IGF2BP2: variants seen among roughly 807,000 people sequenced by gnomAD.
IGF2BP2 encodes insulin-like growth factor 2 mRNA-binding protein 2.
Under a neutral mutation model 75.8 loss-of-function variants are expected in IGF2BP2, and 17 were observed. That is an observed-to-expected ratio of 0.22 (90% confidence interval 0.15 to 0.34). The LOEUF is 0.34. Ranked by LOEUF, IGF2BP2 falls within the 10% of genes least tolerant of loss-of-function variation. IGF2BP2 has a pLI of 1.00. For synonymous variants in IGF2BP2, 288 were observed against 295.6 expected, an observed-to-expected ratio of 0.97 and a Z score of 0.26; for missense variants, 516 against 772.4, an observed-to-expected ratio of 0.67 and a Z score of 3.93.
rs187265491 is a variant in IGF2BP2, at chr3:185,699,108, C to A, written c.240-761G>T. Among the ~76,000 whole-genome samples, 239 of 152,266 alleles carry A rather than the reference C, an allele frequency of 1.6e-3. 1 individual carries two copies. The highest frequency in any genetic ancestry group is 5.7e-3 in the African/African-American group (237 of 41,542). ...GGGATTACAGGCGTGAGCCACCACA[C>A]TGGCCTCATGAGCATGTTTTAAGGT... On this transcript the variant is annotated intron_variant, in intron 2 of 15. Coordinates refer to ENST00000382199, the MANE Select transcript of IGF2BP2 (RefSeq NM_006548.6).
chr3:185,773,152 G>C (rs757907344), intron 2 of IGF2BP2, among the ~76,000 whole-genome samples: 2 of 152,184 alleles, frequency 1.3e-5, no homozygotes, highest in Middle Eastern at 3.2e-3. Flanking sequence ...CTAAGGACCA[G>C]GTAAGCAGAC....
At chr3:185,751,703 A>G (rs12636310) in intron 2 of IGF2BP2, among the ~76,000 whole-genome samples, 45,594 of 149,232 alleles carry the variant, frequency 0.31, 7,886 homozygotes, top group African/African-American at 0.49. Flanking sequence ...AGTGGTTCAC[A>G]CCTGTAATCC....
chr3:185,665,982 A>G (rs1474215035), intron 10 of IGF2BP2, among the ~76,000 whole-genome samples: 10 of 148,680 alleles, frequency 6.7e-5, no homozygotes, highest in Non-Finnish European at 1.5e-4. Context: ...AGACAGATAG[A>G]TAGATAGGTA....
chr3:185,666,694 A>G (rs1669403384), intron 10 of IGF2BP2, among the ~76,000 whole-genome samples: 1 of 152,158 alleles, frequency 6.6e-6, no homozygotes, highest in African/African-American at 2.4e-5. Context: ...ACAAGTTTGG[A>G]TATTTAAAAG....
intron 2 of IGF2BP2, among the ~76,000 whole-genome samples, chr3:185,786,929 T>C (rs1389115840): frequency 6.6e-6 from 1 of 152,244 alleles, no homozygotes; most frequent in African/African-American, 2.4e-5. Context: ...TCTTTATTTT[T>C]TGTTTTGTTT....
chr3:185,734,061 C>A (rs1455269870), intron 2 of IGF2BP2, among the ~76,000 whole-genome samples: 1 of 152,086 alleles, frequency 6.6e-6, no homozygotes, highest in Non-Finnish European at 1.5e-5. Context: ...AACCCTTAAC[C>A]CCCTTACTTC....
intron 10 of IGF2BP2, among the ~76,000 whole-genome samples, chr3:185,666,148 T>G (rs1186159669): frequency 6.6e-6 from 1 of 152,118 alleles, no homozygotes; most frequent in Non-Finnish European, 1.5e-5. Context: ...GGCTTAGAAA[T>G]TATACTCGTG....
chr3:185,727,717 G>T (rs937175693), intron 2 of IGF2BP2, among the ~76,000 whole-genome samples: 6 of 152,244 alleles, frequency 3.9e-5, no homozygotes, highest in African/African-American at 1.2e-4. Context: ...TGGAGTGGAG[G>T]ATAAACAAAG....
At chr3:185,782,541 TA>T (rs1320829589) in intron 2 of IGF2BP2, among the ~76,000 whole-genome samples, 6 of 152,146 alleles carry the variant, frequency 3.9e-5, no homozygotes, top group Admixed American at 2.6e-4. Flanking sequence ...AAAGTTATAT[TA>T]CCATCCACTA....
In IGF2BP2 at chr3:185,647,632, G is replaced by A. The variant is rs147770684; in HGVS notation, c.1594-494C>T. ...CCTGCCGCCAAGACTTGCTCATGCT[G>A]TTCCTACCCTTGGATTGTTGTCCTC... On this transcript the variant is annotated intron_variant, in intron 14 of 15. Transcript: ENST00000382199. The surrounding 1 kb of genome is among the most constrained non-coding windows in gnomAD (Gnocchi z 4.9). Among the ~76,000 whole-genome samples the A allele has an allele frequency of 1.2e-3, 185 of 152,262 alleles. No individual in the cohort carries two copies. The highest frequency in any genetic ancestry group is 4.1e-3 in the African/African-American group (172 of 41,554).
chr3:185,701,291 A>G (rs756563642), intron 2 of IGF2BP2, among the ~76,000 whole-genome samples: 1 of 151,628 alleles, frequency 6.6e-6, no homozygotes, highest in Non-Finnish European at 1.5e-5. Flanking sequence ...TTAAAAAACG[A>G]ACAATGAAAA....
At chr3:185,812,717 C>T (rs751399571) in intron 2 of IGF2BP2, among the ~76,000 whole-genome samples, 6 of 152,194 alleles carry the variant, frequency 3.9e-5, no homozygotes, top group Non-Finnish European at 7.3e-5. Context: ...AAAACAGCAA[C>T]AAATGCAGTT....
intron 2 of IGF2BP2, among the ~76,000 whole-genome samples, chr3:185,719,623 C>T (rs1726191594): frequency 6.6e-6 from 1 of 152,162 alleles, no homozygotes; most frequent in African/African-American, 2.4e-5. Flanking sequence ...CACCTGAGGT[C>T]AGGAGTTCCA....
At position 185,691,815 on chromosome 3, in the gene IGF2BP2, G is replaced by A. The variant is rs142530854; in HGVS notation, c.404+884C>T. ...AGTGGTGCAATCACAGCTTACTGCA[G>A]CCTTACCATCCTGGGCTCAAGTGAT... is the stretch of plus-strand genomic sequence containing the variant. On this transcript the variant is annotated intron_variant, in intron 5 of 15. Transcript: ENST00000382199. Among the ~76,000 whole-genome samples the A allele has an allele frequency of 4.3e-4, 65 of 152,088 alleles. 1 individual carries two copies. Among genetic ancestry groups the A allele is most frequent in the African/African-American group, 1.4e-3 (59 of 41,486 alleles).
At chr3:185,698,618 C>T (rs1314912020) in intron 2 of IGF2BP2, among the ~76,000 whole-genome samples, 1 of 152,092 alleles carries the variant, frequency 6.6e-6, no homozygotes, top group Non-Finnish European at 1.5e-5. Context: ...GATTCTCCTG[C>T]CTCAGCCTCC....
At chr3:185,691,122 G>C (rs1721894901) in intron 5 of IGF2BP2, among the ~76,000 whole-genome samples, 1 of 151,998 alleles carries the variant, frequency 6.6e-6, no homozygotes, top group African/African-American at 2.4e-5. Context: ...TTTCGAGACA[G>C]AGTTTCGCCC....
At chr3:185,709,762 C>T (rs779567549) in intron 2 of IGF2BP2, among the ~76,000 whole-genome samples, 3 of 152,188 alleles carry the variant, frequency 2.0e-5, no homozygotes, top group Non-Finnish European at 4.4e-5. Flanking sequence ...AGGAACTCCT[C>T]CCTCTTTCCA....
At position 185,643,463 on chromosome 3, in the gene IGF2BP2, C is replaced by T. The variant is rs1712981922; in HGVS notation, c.*2068G>A. On this transcript the variant is annotated 3_prime_UTR_variant, in exon 16 of 16. Coordinates refer to ENST00000382199, the MANE Select transcript of IGF2BP2 (RefSeq NM_006548.6). ...GCTGAAAAGGTTGCTGGGCCTCACCCCCAGGATTTCTGATTCAAGGTGGAC... is the reference window on the plus strand; with the variant it reads ...GCTGAAAAGGTTGCTGGGCCTCACCTCCAGGATTTCTGATTCAAGGTGGAC... 6.6e-6 allele frequency among the ~76,000 whole-genome samples: 1 copy of T among 152,196 alleles called. No homozygotes were observed. Among genetic ancestry groups the T allele is most frequent in the Non-Finnish European group, 1.5e-5 (1 of 68,036 alleles).
chr3:185,737,625 C>A (rs1046958237), intron 2 of IGF2BP2, among the ~76,000 whole-genome samples: 1 of 152,188 alleles, frequency 6.6e-6, no homozygotes, highest in African/African-American at 2.4e-5. Flanking sequence ...TAGTGGCATT[C>A]GCAGTAACAG....
Sources: gnomAD v4.1 joint callset for allele counts (sites outside exome capture counted in the v4.1 genomes callset) on GRCh38, gnomAD v4.1.1 for gene constraint, Gnocchi (gnomAD v3.1) non-coding constraint, MANE v1.5 for transcripts, NCBI Gene and HGNC (gene_info 2026-07-23, HGNC 2026-07-21) for gene names.